The following LHFPL3 variants were observed in gnomAD, a reference collection of about 807,000 sequenced individuals.
LHFPL3 encodes LHFPL tetraspan subfamily member 3 protein.
Under a neutral mutation model 19.3 loss-of-function variants are expected in LHFPL3, and 5 were observed. That is an observed-to-expected ratio of 0.26 (90% confidence interval 0.14 to 0.54). The LOEUF (loss-of-function observed/expected upper bound fraction) is 0.54, where lower values mean the gene tolerates loss of function less well. Among genes scored for constraint, LHFPL3 ranks in the 20% least tolerant of loss-of-function variants. The pLI is 0.94. For synonymous variants in LHFPL3, 133 were observed against 126.2 expected, an observed-to-expected ratio of 1.05 and a Z score of -0.36; for missense variants, 249 against 307.4, an observed-to-expected ratio of 0.81 and a Z score of 1.42.
rs1356128949 is a variant in LHFPL3 at position 104,329,217 on chromosome 7, C to T, written c.438C>T (p.Leu146=). 5.6e-6 allele frequency: 9 copies of T among 1,605,120 alleles called. No individual in the cohort carries two copies. In the Admixed American group the frequency reaches 8.4e-5, roughly 15 times the overall value. ...TVYKICAWMQ[L]TSAACLVLGC... is the part of the protein sequence containing the mutation. ...ACAAGATATGTGCCTGGATGCAGCT[C>T]ACCTCCGGTGAGTGCGCGCTCACCT... is the stretch of plus-strand genomic sequence containing the variant. The change falls in exon 1 of 3, where the codon CTC becomes CTT. Residue 146 remains leucine (L), a synonymous_variant. Transcript: ENST00000424859.
intron 2 of LHFPL3, among the ~76,000 whole-genome samples, chr7:104,905,917 C>T (rs1243564514): frequency 6.6e-6 from 1 of 152,204 alleles, no homozygotes; most frequent in Non-Finnish European, 1.5e-5. Context: ...CCACATTTTT[C>T]CTTGCTCCTT....
rs1379697013 is a variant in LHFPL3, at chr7:104,636,385, CTTTTA to C, written c.446-100284_446-100280del. Among the ~76,000 whole-genome samples the C allele has an allele frequency of 5.3e-5, 8 of 152,106 alleles. No homozygotes were observed. In the South Asian group the frequency reaches 1.7e-3, roughly 32 times the overall value. ...TACCAAAAAGTACTAATTTTTTTAA[CTTTTA>C]TTTTAGGTTAAGGGGTACATGTGCA... On this transcript the variant is annotated intron_variant, in intron 1 of 2. Transcript: ENST00000424859.
intron 1 of LHFPL3, among the ~76,000 whole-genome samples, chr7:104,477,754 TAA>T (rs10551335): frequency 0.41 from 61,742 of 151,430 alleles, 13,009 homozygotes; most frequent in South Asian, 0.65. Flanking sequence ...TAAAATAAGT[TAA>T]AAAAAAAAAG....
chr7:104,823,776 TC>T (rs1405648613), intron 2 of LHFPL3, among the ~76,000 whole-genome samples: 1 of 151,968 alleles, frequency 6.6e-6, no homozygotes, highest in Non-Finnish European at 1.5e-5. Flanking sequence ...TAAATCAACC[TC>T]CACATTTGCT....
chr7:104,690,934 T>C (rs1347837189), intron 1 of LHFPL3, among the ~76,000 whole-genome samples: 2 of 152,216 alleles, frequency 1.3e-5, no homozygotes, highest in African/African-American at 4.8e-5. Flanking sequence ...GAGGTGTCAG[T>C]GGCAGATGGG....
intron 1 of LHFPL3, among the ~76,000 whole-genome samples, chr7:104,414,052 T>A (rs1344760678): frequency 6.6e-6 from 1 of 152,090 alleles, no homozygotes; most frequent in Non-Finnish European, 1.5e-5. Context: ...TGTTAATCCC[T>A]TTATCCCTTG....
At position 104,606,078 on chromosome 7, in the gene LHFPL3, CT is replaced by C. The variant is rs1443741216; in HGVS notation, c.446-130595del. On this transcript the variant is annotated intron_variant, in intron 1 of 2. Transcript: ENST00000424859. ...GTCTCATTATGTTGCCCAGGCTAGT[CT>C]TGAACTCCTGGCCTCATGCAAGTGT... Among the ~76,000 whole-genome samples the C allele has an allele frequency of 5.9e-5, 9 of 152,232 alleles. No individual in the cohort carries two copies. The South Asian group carries it at 1.2e-3, about 21-fold the overall frequency.
At chr7:104,635,520 C>A (rs1791714610) in intron 1 of LHFPL3, among the ~76,000 whole-genome samples, 1 of 152,098 alleles carries the variant, frequency 6.6e-6, no homozygotes, top group African/African-American at 2.4e-5. Flanking sequence ...GACAATAGAA[C>A]AATACCTTCA....
Position 104,804,269 on chromosome 7 carries a change from G to T in LHFPL3, c.682+67358G>T, listed in dbSNP as rs143631599. Among the ~76,000 whole-genome samples the T allele has an allele frequency of 4.6e-3, 705 of 152,310 alleles. 4 individuals carry two copies. Among genetic ancestry groups the T allele is most frequent in the African/African-American group, 0.016 (668 of 41,568 alleles). The stretch of plus-strand genomic sequence containing the variant: ...AGCTTAAGTCACTTTTCGACATCTG[G>T]GGCTGAGACTGCCAGAAACATTGTT... On this transcript the variant is annotated intron_variant, in intron 2 of 2. Coordinates refer to ENST00000424859, the MANE Select transcript of LHFPL3 (RefSeq NM_199000.3).
intron 2 of LHFPL3, among the ~76,000 whole-genome samples, chr7:104,839,271 G>A (rs750326559): frequency 6.6e-6 from 1 of 152,224 alleles, no homozygotes; most frequent in African/African-American, 2.4e-5. Flanking sequence ...CAGCTAAGGT[G>A]TATAAAGTGC....
chr7:104,510,943 A>G (rs1486409771), intron 1 of LHFPL3, among the ~76,000 whole-genome samples: 3 of 152,118 alleles, frequency 2.0e-5, no homozygotes, highest in Admixed American at 2.0e-4. Context: ...AAAAATAACT[A>G]TTGGGTACTA....
intron 2 of LHFPL3, among the ~76,000 whole-genome samples, chr7:104,766,613 C>T (rs1285895286): frequency 6.6e-6 from 1 of 152,134 alleles, no homozygotes; most frequent in Non-Finnish European, 1.5e-5. Context: ...GAGGAAGCCC[C>T]TGAAAAAGAA....
At chr7:104,758,725 GTCAC>G (rs895581558) in intron 2 of LHFPL3, among the ~76,000 whole-genome samples, 1 of 151,960 alleles carries the variant, frequency 6.6e-6, no homozygotes, top group Non-Finnish European at 1.5e-5. Context: ...TCAGGGAAGC[GTCAC>G]TCAAACAAGC....
Position 104,730,464 on chromosome 7 carries a change from G to T in LHFPL3, c.446-6211G>T, listed in dbSNP as rs373763740. Among the ~76,000 whole-genome samples, 6 of 152,184 alleles carry T rather than the reference G, an allele frequency of 3.9e-5. 1 individual carries two copies. The South Asian group carries it at 1.2e-3, about 32-fold the overall frequency. On this transcript the variant is annotated intron_variant, in intron 1 of 2. Transcript: ENST00000424859. ...AACTGGTGTCAGATGATACCTCATT[G>T]TGGTTTTGATTTGCATTTCTCTGAT...
At chr7:104,329,372 C>G in intron 1 of LHFPL3, 148 bp downstream of exon 1, 1 of 1,054,814 alleles carries the variant, frequency 9.5e-7, no homozygotes, top group Non-Finnish European at 1.3e-6. Flanking sequence ...GGGGCGGGAG[C>G]CCAGCGAGGC....
intron 2 of LHFPL3, among the ~76,000 whole-genome samples, chr7:104,744,446 G>A (rs1285208867): frequency 6.6e-6 from 1 of 152,122 alleles, no homozygotes; most frequent in Non-Finnish European, 1.5e-5. Flanking sequence ...AAGTCCTTGT[G>A]GTCATCAAAG....
intron 1 of LHFPL3, among the ~76,000 whole-genome samples, chr7:104,644,146 T>C (rs909435305): frequency 6.6e-6 from 1 of 152,242 alleles, no homozygotes; most frequent in Non-Finnish European, 1.5e-5. Flanking sequence ...AAGTACCTCA[T>C]TTATTACCAG....
chr7:104,735,366 C>G (rs1361563784), intron 1 of LHFPL3, among the ~76,000 whole-genome samples: 1 of 152,258 alleles, frequency 6.6e-6, no homozygotes, highest in Admixed American at 6.5e-5. Flanking sequence ...GGGCTCCACC[C>G]AGTTCGAGCT....
At chr7:104,512,750 A>AG (rs901862248) in intron 1 of LHFPL3, among the ~76,000 whole-genome samples, 15 of 151,988 alleles carry the variant, frequency 9.9e-5, no homozygotes, top group East Asian at 3.9e-4. Context: ...AGAAAAAAAA[A>AG]AGAGAGAGAG....
Sources: allele counts gnomAD v4.1 joint callset (sites outside exome capture counted in the v4.1 genomes callset), GRCh38; gene constraint gnomAD v4.1.1; transcripts MANE v1.5; gene names NCBI Gene and HGNC (gene_info 2026-07-23, HGNC 2026-07-21).